The following TRIM24 variants were observed in gnomAD, a reference collection of about 807,000 sequenced individuals.
The protein encoded by TRIM24 is transcription intermediary factor 1-alpha.
TRIM24 carries 29 observed loss-of-function variants against 123.9 expected under a neutral mutation model. The observed-to-expected ratio is 0.23, with a 90% CI of 0.17 to 0.32. The LOEUF is 0.32. Among genes scored for constraint, TRIM24 ranks in the 10% least tolerant of loss-of-function variants. The probability of loss-of-function intolerance (pLI) is 1.00; values close to 1 mark genes in which losing one functional copy is unlikely to be tolerated. For missense variants in TRIM24, 932 were observed against 1,295.3 expected, an observed-to-expected ratio of 0.72 and a Z score of 4.31; for synonymous variants, 456 against 461.1, an observed-to-expected ratio of 0.99 and a Z score of 0.14.
At chr7:138,556,780 G>C (rs1167452290) in intron 9 of TRIM24, among the ~76,000 whole-genome samples, 1 of 152,228 alleles carries the variant, frequency 6.6e-6, no homozygotes, top group Non-Finnish European at 1.5e-5. Flanking sequence ...CAGAGGACCA[G>C]AGAGACCAAT....
chr7:138,582,408 G>A (rs1246253083), intron 17 of TRIM24, among the ~76,000 whole-genome samples: 2 of 152,122 alleles, frequency 1.3e-5, no homozygotes, highest in African/African-American at 2.4e-5. Context: ...CAGGTGTGGT[G>A]GCAGGCGCCT....
chr7:138,531,351 A>G (rs1189207743), intron 6 of TRIM24, among the ~76,000 whole-genome samples: 1 of 148,840 alleles, frequency 6.7e-6, no homozygotes, highest in African/African-American at 2.6e-5. Flanking sequence ...ATATCTCCCA[A>G]TGCTATCCCT....
At chr7:138,578,529 G>C in intron 14 of TRIM24, among the ~76,000 whole-genome samples, 2 of 112,612 alleles carry the variant, frequency 1.8e-5, no homozygotes, top group Middle Eastern at 9.0e-3. Flanking sequence ...GGTGGTGGTG[G>C]TTTTGTGTGT....
chr7:138,551,209 CA>C, intron 8 of TRIM24, 29 bp downstream of exon 8: 1 of 1,541,684 alleles, frequency 6.5e-7, no homozygotes, highest in Non-Finnish European at 9.0e-7. Flanking sequence ...ATACATTTCT[CA>C]GTGGCATTTG....
At chr7:138,579,119 A>G in intron 14 of TRIM24, 85 bp from the exon 15 acceptor site, 1 of 1,131,714 alleles carries the variant, frequency 8.8e-7, no homozygotes. Flanking sequence ...CCAGGTGCTC[A>G]CCAGAGAGTG....
At chr7:138,518,879 A>G (rs1237340125) in intron 3 of TRIM24, among the ~76,000 whole-genome samples, 1 of 152,222 alleles carries the variant, frequency 6.6e-6, no homozygotes, top group Non-Finnish European at 1.5e-5. Flanking sequence ...ATACTCATTT[A>G]CCAGGGCTGT....
At chr7:138,463,162 T>C (rs1392355313) in intron 1 of TRIM24, among the ~76,000 whole-genome samples, 1 of 147,948 alleles carries the variant, frequency 6.8e-6, no homozygotes, top group Non-Finnish European at 1.5e-5. Context: ...AGTGCTGGGA[T>C]TACAAGTGTG....
intron 12 of TRIM24, among the ~76,000 whole-genome samples, chr7:138,575,283 TCAG>T (rs1041155735): frequency 7.2e-5 from 11 of 152,126 alleles, no homozygotes; most frequent in African/African-American, 2.7e-4. Context: ...TCTTATATTA[TCAG>T]GAGATTATAA....
Position 138,504,309 on chromosome 7 carries a change from A to C in TRIM24, c.384A>C (p.Pro128=). 6.3e-7 allele frequency: 1 copy of C among 1,592,080 alleles called. No homozygotes were observed. Among genetic ancestry groups the C allele is most frequent in the Non-Finnish European group, 8.5e-7 (1 of 1,172,252 alleles). Residue 128 remains proline (P), a synonymous_variant, in exon 2 of 19, where the codon CCA becomes CCC. Transcript: ENST00000343526. The part of the protein sequence containing the change: ...FATQVGVIRC[P]VCSQECAERH... ...TCCCAGTTGGAGTCATTCGTTGCCCAGTTTGCAGCCAAGAATGTGCAGAGA... is the reference window on the plus strand; with the variant it reads ...TCCCAGTTGGAGTCATTCGTTGCCCCGTTTGCAGCCAAGAATGTGCAGAGA...
chr7:138,534,379 C>T (rs189268481), intron 6 of TRIM24, among the ~76,000 whole-genome samples: 534 of 152,300 alleles, frequency 3.5e-3, no homozygotes, highest in African/African-American at 0.012. Flanking sequence ...CTACACATTG[C>T]TTTAAATGTG....
intron 5 of TRIM24, among the ~76,000 whole-genome samples, chr7:138,526,041 T>C (rs1796600740): frequency 6.6e-6 from 1 of 152,222 alleles, no homozygotes; most frequent in South Asian, 2.1e-4. Context: ...TTTACACACC[T>C]ATGAAATCCC....
At chr7:138,518,931 C>T (rs997521612) in intron 3 of TRIM24, among the ~76,000 whole-genome samples, 8 of 152,306 alleles carry the variant, frequency 5.3e-5, no homozygotes, top group Non-Finnish European at 8.8e-5. Context: ...TTTAACTACA[C>T]ACTTAGTTCT....
intron 15 of TRIM24, among the ~76,000 whole-genome samples, chr7:138,580,307 C>T (rs1797865955): frequency 1.3e-5 from 2 of 151,902 alleles, no homozygotes. Context: ...TTAGGTGTTT[C>T]TTTTTTTTCA....
At chr7:138,518,839 T>A (rs1796451073) in intron 3 of TRIM24, among the ~76,000 whole-genome samples, 1 of 152,176 alleles carries the variant, frequency 6.6e-6, no homozygotes, top group Non-Finnish European at 1.5e-5. Flanking sequence ...TCTCCTCCCA[T>A]ATTTGGGATA....
intron 1 of TRIM24, among the ~76,000 whole-genome samples, chr7:138,486,277 T>C (rs988453478): frequency 6.2e-4 from 95 of 152,340 alleles, no homozygotes; most frequent in African/African-American, 2.2e-3. Flanking sequence ...TTTTTCCCAT[T>C]CTGTAGGTTG....
chr7:138,475,573 G>A (rs1795379006), intron 1 of TRIM24, among the ~76,000 whole-genome samples: 1 of 152,100 alleles, frequency 6.6e-6, no homozygotes, highest in Non-Finnish European at 1.5e-5. Context: ...CCTGGCTATA[G>A]TGCAGTGGTG....
intron 7 of TRIM24, among the ~76,000 whole-genome samples, chr7:138,550,725 CTT>C (rs1797194569): frequency 6.6e-6 from 1 of 152,106 alleles, no homozygotes; most frequent in African/African-American, 2.4e-5. Flanking sequence ...CTTCTGAATC[CTT>C]TTCTAAGAGA....
At chr7:138,568,277 G>A (rs200268399) in intron 10 of TRIM24, among the ~76,000 whole-genome samples, 4 of 148,278 alleles carry the variant, frequency 2.7e-5, no homozygotes, top group East Asian at 4.1e-4. Context: ...TCGCCACCAC[G>A]CCCAGCTAAT....
intron 1 of TRIM24, among the ~76,000 whole-genome samples, chr7:138,491,792 G>A (rs1795789690): frequency 6.6e-6 from 1 of 152,086 alleles, no homozygotes; most frequent in Admixed American, 6.6e-5. Context: ...AAGAGTTATA[G>A]CTTCTCCACA....
Sources: gnomAD v4.1 joint callset for allele counts (sites outside exome capture counted in the v4.1 genomes callset) on GRCh38, gnomAD v4.1.1 for gene constraint, MANE v1.5 for transcripts, NCBI Gene and HGNC (gene_info 2026-07-23, HGNC 2026-07-21) for gene names.